The following CNTN1 variants were observed in gnomAD, a reference collection of about 807,000 sequenced individuals.
CNTN1 encodes contactin-1.
In CNTN1, 38 loss-of-function variants were observed where a neutral mutation model predicts 126.4. The observed-to-expected ratio is 0.30, with a 90% CI of 0.23 to 0.39. CNTN1 has a LOEUF of 0.39. CNTN1 is among the 10% of genes least tolerant of loss of function. The probability of loss-of-function intolerance (pLI) is 1.00; values close to 1 mark genes in which losing one functional copy is unlikely to be tolerated. For synonymous variants in CNTN1, 413 were observed against 422.6 expected (o/e 0.98, Z 0.28); for missense variants, 1,009 against 1,248.4 (o/e 0.81, Z 2.89).
chr12:40,798,760 GA>G, intron 1 of CNTN1, among the ~76,000 whole-genome samples: 1 of 151,992 alleles, frequency 6.6e-6, no homozygotes, highest in Non-Finnish European at 1.5e-5. Context: ...GTGGGAGGAG[GA>G]AAAAATTCAG....
chr12:40,783,045 G>A (rs758539037), intron 1 of CNTN1, among the ~76,000 whole-genome samples: 1 of 151,940 alleles, frequency 6.6e-6, no homozygotes, highest in Non-Finnish European at 1.5e-5. Flanking sequence ...TCAAATGAAT[G>A]TAAGTAAGAG....
chr12:40,914,039 T>C (rs1244750812), intron 3 of CNTN1, among the ~76,000 whole-genome samples: 1 of 146,974 alleles, frequency 6.8e-6, no homozygotes, highest in Non-Finnish European at 1.5e-5. Context: ...GAAGAATCTA[T>C]CTAGTAAAAA....
At position 40,789,494 on chromosome 12, in the gene CNTN1, A is replaced by T. The variant is rs555687640; in HGVS notation, c.-77+96902A>T. Among the ~76,000 whole-genome samples, 177 of 25,712 alleles carry T rather than the reference A, an allele frequency of 6.9e-3. 79 individuals carry two copies. The highest frequency in any genetic ancestry group is 0.015 in the African/African-American group (163 of 10,928). The allele number at this position is 25,712 out of a possible 152,430, so 16.9% of individuals were successfully genotyped here. Reference sequence around the variant, plus strand: ...GTGATCCTTATTTGGCAAAAAGGGGATGACAATGAAAAGATCATTATAAGG... The same window carrying T: ...GTGATCCTTATTTGGCAAAAAGGGGTTGACAATGAAAAGATCATTATAAGG... On this transcript the variant is annotated intron_variant, in intron 1 of 23. Transcript: ENST00000551295.
chr12:40,773,430 A>G (rs999929772), intron 1 of CNTN1, among the ~76,000 whole-genome samples: 2 of 151,590 alleles, frequency 1.3e-5, no homozygotes, highest in African/African-American at 2.4e-5. Context: ...TTTTAAAAAT[A>G]TAAGAATAGA....
chr12:40,859,896 A>T (rs1378225797), intron 1 of CNTN1, among the ~76,000 whole-genome samples: 2 of 152,182 alleles, frequency 1.3e-5, no homozygotes, highest in Non-Finnish European at 2.9e-5. Context: ...TTCAACATTT[A>T]AAACTGAAGA....
chr12:40,960,020 T>C (rs989678632), intron 15 of CNTN1, among the ~76,000 whole-genome samples: 13 of 152,112 alleles, frequency 8.5e-5, no homozygotes, highest in African/African-American at 2.9e-4. Flanking sequence ...ATTCCTTCCA[T>C]GTCTTTTTCT....
chr12:40,875,262 C>T (rs910591067), intron 1 of CNTN1, among the ~76,000 whole-genome samples: 4 of 152,012 alleles, frequency 2.6e-5, no homozygotes, highest in Non-Finnish European at 1.5e-5. Context: ...ACCATTTACC[C>T]AGTTTGCCCC....
At chr12:40,855,320 G>T (rs1942865823) in intron 1 of CNTN1, among the ~76,000 whole-genome samples, 2 of 151,958 alleles carry the variant, frequency 1.3e-5, no homozygotes, top group South Asian at 4.2e-4. Flanking sequence ...ATTTTAAATT[G>T]TCTGTTGTAT....
At chr12:40,844,560 A>G (rs1942430756) in intron 1 of CNTN1, among the ~76,000 whole-genome samples, 1 of 152,174 alleles carries the variant, frequency 6.6e-6, no homozygotes, top group Non-Finnish European at 1.5e-5. Context: ...TTGGTAATCT[A>G]AGAGTGATAT....
intron 9 of CNTN1, among the ~76,000 whole-genome samples, chr12:40,936,542 A>G (rs551807553): frequency 2.4e-4 from 37 of 152,268 alleles, no homozygotes; most frequent in African/African-American, 8.7e-4. Flanking sequence ...CTTTTCAACA[A>G]AACATGATTT....
At chr12:41,030,087 T>G (rs889513675) in intron 23 of CNTN1, among the ~76,000 whole-genome samples, 1 of 152,026 alleles carries the variant, frequency 6.6e-6, no homozygotes, top group African/African-American at 2.4e-5. Context: ...ATAAGAAAAT[T>G]TGGTTAATCT....
At chr12:40,946,905 C>A (rs1946452720) in intron 14 of CNTN1, among the ~76,000 whole-genome samples, 1 of 151,886 alleles carries the variant, frequency 6.6e-6, no homozygotes, top group South Asian at 2.1e-4. Flanking sequence ...GCATTTGCTC[C>A]TACTTATGAA....
intron 1 of CNTN1, among the ~76,000 whole-genome samples, chr12:40,711,825 A>G (rs1405458975): frequency 3.9e-5 from 6 of 152,018 alleles, no homozygotes; most frequent in Admixed American, 6.6e-5. Context: ...TGATCCTCCC[A>G]TCTCAGCTTC....
intron 23 of CNTN1, among the ~76,000 whole-genome samples, chr12:41,046,352 T>G (rs1384475493): frequency 1.3e-5 from 2 of 152,116 alleles, no homozygotes; most frequent in Non-Finnish European, 2.9e-5. Flanking sequence ...TGAATTTAGG[T>G]CACATATTAC....
intron 7 of CNTN1, among the ~76,000 whole-genome samples, chr12:40,931,416 G>T (rs1184048895): frequency 6.6e-6 from 1 of 151,402 alleles, no homozygotes; most frequent in Non-Finnish European, 1.5e-5. Context: ...CTTTTCCTAG[G>T]TATTCTCACC....
intron 1 of CNTN1, among the ~76,000 whole-genome samples, chr12:40,734,164 C>G (rs1366184808): frequency 1.3e-5 from 2 of 151,992 alleles, no homozygotes; most frequent in African/African-American, 4.8e-5. Flanking sequence ...TAATTGCTGT[C>G]AATTCAGATC....
chr12:40,762,452 C>T (rs1308026321), intron 1 of CNTN1, among the ~76,000 whole-genome samples: 1 of 152,066 alleles, frequency 6.6e-6, no homozygotes, highest in Non-Finnish European at 1.5e-5. Flanking sequence ...CTTAAGAATT[C>T]AGAGAAATAG....
intron 1 of CNTN1, among the ~76,000 whole-genome samples, chr12:40,760,238 A>T (rs1216064675): frequency 5.3e-5 from 8 of 152,196 alleles, no homozygotes; most frequent in African/African-American, 1.9e-4. Context: ...ACTGGCTTTT[A>T]CAATGGAAAT....
intron 16 of CNTN1, among the ~76,000 whole-genome samples, chr12:40,988,242 A>T (rs192513682): frequency 1.1e-3 from 160 of 152,240 alleles, no homozygotes; most frequent in African/African-American, 3.8e-3. Context: ...TCAAACAGAC[A>T]CCTGAATTTT....
Sources: allele counts gnomAD v4.1 joint callset (sites outside exome capture counted in the v4.1 genomes callset), GRCh38; gene constraint gnomAD v4.1.1; transcripts MANE v1.5; gene names NCBI Gene and HGNC (gene_info 2026-07-23, HGNC 2026-07-21).